Variants in ZNF667 observed in about 807,000 individuals in gnomAD.
ZNF667 encodes myocardial ischemic preconditioning upregulated 1 ortholog.
A neutral mutation model predicts 31.8 loss-of-function variants in ZNF667; 13 were observed. The observed-to-expected ratio is 0.41, with a 90% CI of 0.27 to 0.65. ZNF667 has a LOEUF of 0.65. Ranked by LOEUF, ZNF667 falls within the 30% of genes least tolerant of loss-of-function variation. The probability of loss-of-function intolerance (pLI) is 0.32; values close to 1 mark genes in which losing one functional copy is unlikely to be tolerated. For missense variants in ZNF667, 642 were observed against 725.6 expected (o/e 0.88, Z 1.32); for synonymous variants, 228 against 247.1 (o/e 0.92, Z 0.73).
chr19:56,460,251 G>A (rs1420911828), intron 5 of ZNF667, among the ~76,000 whole-genome samples: 2 of 152,168 alleles, frequency 1.3e-5, no homozygotes, highest in Non-Finnish European at 2.9e-5. Flanking sequence ...AAGAAATGAG[G>A]TATTGGCACA....
Position 56,442,366 on chromosome 19 carries a change from T to A in ZNF667, c.629A>T (p.Asn210Ile), listed in dbSNP as rs766386271. The change falls in exon 7 of 7, where the codon AAT becomes ATT. Residue 210 changes from asparagine to isoleucine, a missense_variant. Coordinates refer to ENST00000504904, the MANE Select transcript of ZNF667 (RefSeq NM_001321356.2). The part of the protein sequence containing the change: ...HECNKCGESF[N>I]QRTTLILHMR... ...ATGTAGAATAAGGGTTGTTCTTTGA[T>A]TGAAGCTTTCCCCACATTTATTGCA... 1.2e-6 allele frequency: 2 copies of A among 1,614,098 alleles called. No homozygotes were observed. Among genetic ancestry groups the A allele is most frequent in the Non-Finnish European group, 1.7e-6 (2 of 1,179,992 alleles).
intron 6 of ZNF667, among the ~76,000 whole-genome samples, chr19:56,450,509 G>A (rs1294429478): frequency 6.6e-6 from 1 of 152,060 alleles, no homozygotes; most frequent in Non-Finnish European, 1.5e-5. Context: ...TGCTAATGAC[G>A]AATAAAAAGT....
rs767080757 is a variant in ZNF667 at position 56,458,155 on chromosome 19, C to A, written c.253G>T (p.Asp85Tyr). The A allele has an allele frequency of 4.3e-6, 7 of 1,613,952 alleles. No individual in the cohort carries two copies. The highest frequency in any genetic ancestry group is 4.0e-5 in the African/African-American group (3 of 74,930). ...VEPVRRRRAPDSGSKCETKKL... is the reference protein window; with the variant it reads ...VEPVRRRRAPYSGSKCETKKL... ...TATGCCTTGGTTCTCTGTCACTCAC[C>A]AGGAGCCCGGCGTCTTCTTACTGGC... The change falls in exon 6 of 7, where the codon GAC becomes TAC. Residue 85 changes from aspartate (D) to tyrosine (Y), a missense_variant and splice_region_variant. Coordinates refer to ENST00000504904, the MANE Select transcript of ZNF667 (RefSeq NM_001321356.2).
chr19:56,442,253 C>T lies in ZNF667; in HGVS notation c.742G>A (p.Val248Ile), dbSNP rs905162058. The change falls in exon 7 of 7, where the codon GTT (valine) becomes ATT (isoleucine). Residue 248 changes from valine to isoleucine, a missense_variant. Coordinates refer to ENST00000504904, the MANE Select transcript of ZNF667 (RefSeq NM_001321356.2). ...CTGCACTGGCAGACATTCCCAACAA[C>T]ATGAATTTTCTGATGTATATTGAAA... ...QSFNIHQKIH[V>I]VGNVCQCRKC... 1 of 1,614,162 alleles carries T rather than the reference C, an allele frequency of 6.2e-7. No homozygotes were observed.
chr19:56,440,959 C>G lies in ZNF667; in HGVS notation c.*203G>C. ...TCAAATGAAAAATGATCTTCATTCACAATGACTGACCAAACTTCTGAGTTT... is the reference window on the plus strand; with the variant it reads ...TCAAATGAAAAATGATCTTCATTCAGAATGACTGACCAAACTTCTGAGTTT... On this transcript the variant is annotated 3_prime_UTR_variant, in exon 7 of 7. Transcript: ENST00000504904. The G allele has an allele frequency of 2.8e-6, 4 of 1,405,122 alleles. No individual in the cohort carries two copies. Among genetic ancestry groups the G allele is most frequent in the Non-Finnish European group, 3.7e-6 (4 of 1,084,004 alleles). The allele number at this position is 1,405,122 out of a possible 1,614,324, so 87.0% of individuals were successfully genotyped here. A position where few individuals can be genotyped will look rare whatever the true frequency, so the allele number is the denominator to read the frequency against.
intron 4 of ZNF667, 100 bp from the exon 5 acceptor site, chr19:56,460,915 C>T: frequency 7.9e-7 from 1 of 1,262,448 alleles, no homozygotes; most frequent in Non-Finnish European, 1.1e-6. Context: ...CACAAGGTAC[C>T]AAGAATCATT....
In ZNF667 at chr19:56,465,268, G is replaced by A. The variant is rs2043133910; in HGVS notation, c.-59-2839C>T. On this transcript the variant is annotated intron_variant, in intron 3 of 6. Transcript: ENST00000504904. ...ATGGATGTTCCCTCTACAGATGTTT[G>A]TTTCGTCCCCGTAGGGGTGGAGGTA... is the stretch of plus-strand genomic sequence containing the variant. Among the ~76,000 whole-genome samples, 3 of 152,332 alleles carry A rather than the reference G, an allele frequency of 2.0e-5. No homozygotes were observed. The South Asian group carries it at 6.2e-4, about 32-fold the overall frequency.
intron 6 of ZNF667, among the ~76,000 whole-genome samples, chr19:56,447,261 T>C (rs932389063): frequency 1.3e-5 from 2 of 152,160 alleles, no homozygotes; most frequent in Non-Finnish European, 2.9e-5. Flanking sequence ...ATGGTTAATG[T>C]ATTTTCTATA....
At chr19:56,457,124 A>C (rs1481288137) in intron 6 of ZNF667, among the ~76,000 whole-genome samples, 1 of 152,214 alleles carries the variant, frequency 6.6e-6, no homozygotes, top group Non-Finnish European at 1.5e-5. Context: ...TACTTAAAGA[A>C]ACAAACATAC....
In ZNF667 at chr19:56,464,852, C is replaced by A. The variant is rs1375951608; in HGVS notation, c.-59-2423G>T. Among the ~76,000 whole-genome samples, 5 of 152,314 alleles carry A rather than the reference C, an allele frequency of 3.3e-5. No individual in the cohort carries two copies. The East Asian group carries it at 9.7e-4, about 29-fold the overall frequency. On this transcript the variant is annotated intron_variant, in intron 3 of 6. Transcript: ENST00000504904. ...AATAAACACTTGTTGACTAACTCAA[C>A]CAGATCCTCAGTGTGCTGAAACCCC...
chr19:56,442,380 A>G lies in ZNF667; in HGVS notation c.615T>C (p.Cys205=). ...TTGTTCTTTGATTGAAGCTTTCCCC[A>G]CATTTATTGCATTCATGGCTTTTCT... ...SGKKSHECNK[C]GESFNQRTTL... is the part of the protein sequence containing the mutation. The change falls in exon 7 of 7, where the codon TGT becomes TGC. Residue 205 remains cysteine (C), a synonymous_variant. Transcript: ENST00000504904. 11 of 1,614,058 alleles carry G rather than the reference A, an allele frequency of 6.8e-6. No homozygotes were observed. Among genetic ancestry groups the G allele is most frequent in the Non-Finnish European group, 9.3e-6 (11 of 1,179,968 alleles).
At chr19:56,474,465 C>T (rs572614276) in intron 1 of ZNF667, 1 of 152,312 alleles carries the variant, frequency 6.6e-6, no homozygotes, top group African/African-American at 2.4e-5. Context: ...AGAACACAGG[C>T]TATGCATATG....
chr19:56,462,207 G>A lies in ZNF667; in HGVS notation c.33+131C>T, dbSNP rs922270151. 156 of 1,163,760 alleles carry A rather than the reference G, an allele frequency of 1.3e-4. No individual in the cohort carries two copies. The East Asian group carries it at 1.5e-3, about 11-fold the overall frequency. The allele number at this position is 1,163,760 out of a possible 1,614,324, so 72.1% of individuals were successfully genotyped here. On this transcript the variant is annotated intron_variant, in intron 4 of 6. Transcript: ENST00000504904. ...TCAGGTTCTCATCCCTCATGGCAAC[G>A]GGAGAAAACCAAAGACTAGGTGTTG...
chr19:56,468,381 G>A (rs2043211643), intron 3 of ZNF667: 1 of 152,216 alleles, frequency 6.6e-6, no homozygotes, highest in African/African-American at 2.4e-5. Context: ...TGTGTGTTCA[G>A]TGAAAGGCTC....
rs1383431405 is a variant in ZNF667, at chr19:56,472,163, A to G, written c.-524T>C. 4 of 152,130 alleles carry G rather than the reference A, an allele frequency of 2.6e-5. No homozygotes were observed. Among genetic ancestry groups the G allele is most frequent in the Non-Finnish European group, 1.5e-5 (1 of 68,038 alleles). The allele number at this position is 152,130 out of a possible 1,614,324, so 9.4% of individuals were successfully genotyped here. A position where few individuals can be genotyped will look rare whatever the true frequency, so the allele number is the denominator to read the frequency against. ...AGACTCATACATTGTCCATAAAATA[A>G]TTTTCTTCAAGGAACTCGGCACTAC... On this transcript the variant is annotated 5_prime_UTR_variant, in exon 3 of 7. Transcript: ENST00000504904.
In ZNF667 at chr19:56,451,684, C is replaced by T. The variant is rs144523204; in HGVS notation, c.253+6471G>A. Reference sequence around the variant, plus strand: ...AATAGTCCAAGACCAGCCTGGGCACCATGGTGAAATCCCATCTTTAAAAAA... The same window carrying T: ...AATAGTCCAAGACCAGCCTGGGCACTATGGTGAAATCCCATCTTTAAAAAA... On this transcript the variant is annotated intron_variant, in intron 6 of 6. Transcript: ENST00000504904. Among the ~76,000 whole-genome samples, 12 of 151,876 alleles carry T rather than the reference C, an allele frequency of 7.9e-5. No individual in the cohort carries two copies. In the East Asian group the frequency reaches 1.9e-3, roughly 25 times the overall value.
intron 6 of ZNF667, among the ~76,000 whole-genome samples, chr19:56,452,205 T>C (rs763356409): frequency 6.6e-6 from 1 of 151,950 alleles, no homozygotes; most frequent in African/African-American, 2.4e-5. Context: ...TCCACCACCA[T>C]GCCTGGTTAA....
At chr19:56,458,387 A>T (rs2042977483) in intron 5 of ZNF667, 140 bp from the exon 6 acceptor site, 1 of 681,388 alleles carries the variant, frequency 1.5e-6, no homozygotes, top group African/African-American at 1.8e-5. Context: ...GAGAATGGGG[A>T]GTGTGATATT....
At chr19:56,451,541 C>T (rs1190376102) in intron 6 of ZNF667, among the ~76,000 whole-genome samples, 1 of 152,076 alleles carries the variant, frequency 6.6e-6, no homozygotes, top group Admixed American at 6.5e-5. Context: ...CAGGTATAGA[C>T]CATGAAATAT....
Sources: allele counts gnomAD v4.1 joint callset (sites outside exome capture counted in the v4.1 genomes callset), GRCh38; gene constraint gnomAD v4.1.1; transcripts MANE v1.5; gene names NCBI Gene and HGNC (gene_info 2026-07-23, HGNC 2026-07-21).